MYO15A: variants seen among roughly 807,000 people sequenced by gnomAD.
MYO15A encodes unconventional myosin-XV.
MYO15A carries 308 observed loss-of-function variants against 394.6 expected under a neutral mutation model. The observed-to-expected ratio is 0.78, with a 90% CI of 0.71 to 0.86. The LOEUF is 0.86. Ranked by LOEUF, MYO15A falls within the 40% of genes least tolerant of loss-of-function variation. MYO15A has a pLI of 0.00. For missense variants in MYO15A, 4,606 were observed against 4,799.1 expected (o/e 0.96, Z 1.19); for synonymous variants, 1,957 against 2,003.8 (o/e 0.98, Z 0.62).
intron 41 of MYO15A, 58 bp from the exon 42 acceptor site, chr17:18,152,054 C>T: frequency 6.5e-7 from 1 of 1,544,704 alleles, no homozygotes; most frequent in African/African-American, 1.4e-5. Context: ...GGCCCTGCCA[C>T]TGCCCCTCCA....
rs561896716 is a variant in MYO15A at position 18,158,443 on chromosome 17, G to A, written c.8968-80G>A. 351 of 1,265,276 alleles carry A rather than the reference G, an allele frequency of 2.8e-4. No individual in the cohort carries two copies. In the African/African-American group the frequency reaches 4.4e-3, roughly 16 times the overall value. 78.4% of individuals were successfully genotyped at this position (1,265,276 alleles called of 1,614,324 possible). A position where few individuals can be genotyped will look rare whatever the true frequency, so the allele number is the denominator to read the frequency against. ...TGAGAATCTGGGTCCAGTCAGCTAG[G>A]GGTTGCGTTGTCAGTTTTGACCGAA... is the stretch of plus-strand genomic sequence containing the variant. On this transcript the variant is annotated intron_variant, in intron 51 of 65. Coordinates refer to ENST00000647165, the MANE Select transcript of MYO15A (RefSeq NM_016239.4).
At position 18,171,729 on chromosome 17, in the gene MYO15A, A is replaced by G; in HGVS notation, c.10174A>G (p.Thr3392Ala). ...LNLVSQHRQQ[T>A]QALSPHQARA... Reference sequence around the variant, plus strand: ...CCTGGTCAGCCAGCACCGGCAGCAGACACAGGCGCTCAGCCCCCACCAGGC... The same window carrying G: ...CCTGGTCAGCCAGCACCGGCAGCAGGCACAGGCGCTCAGCCCCCACCAGGC... Residue 3392 changes from threonine to alanine, a missense_variant, in exon 63 of 66, where the codon ACA becomes GCA. Around this residue, in one of 2 missense-constraint regions of MYO15A, gnomAD observed 2,776 missense variants for 3,109.3 expected, o/e 0.89. Coordinates refer to ENST00000647165, the MANE Select transcript of MYO15A (RefSeq NM_016239.4). 6.2e-7 allele frequency: 1 copy of G among 1,612,668 alleles called. No individual in the cohort carries two copies. Among genetic ancestry groups the G allele is most frequent in the African/African-American group, 1.3e-5 (1 of 75,040 alleles).
chr17:18,140,843 G>A lies in MYO15A; in HGVS notation c.5406+11G>A. ...CCCAACCACAAGAAGGTGAGTGAGA[G>A]CTGAGGCCTCTGAGAGAGCCAAATC... On this transcript the variant is annotated intron_variant, in intron 21 of 65. Coordinates refer to ENST00000647165, the MANE Select transcript of MYO15A (RefSeq NM_016239.4). The A allele has an allele frequency of 6.2e-7, 1 of 1,614,064 alleles. No individual in the cohort carries two copies. Among genetic ancestry groups the A allele is most frequent in the Non-Finnish European group, 8.5e-7 (1 of 1,180,038 alleles).
chr17:18,138,676 G>A, intron 17 of MYO15A, 135 bp from the exon 18 acceptor site: 1 of 1,257,192 alleles, frequency 8.0e-7, no homozygotes, highest in Non-Finnish European at 1.1e-6. Flanking sequence ...AGGGAGATGG[G>A]CAGCCATGGG....
At position 18,157,192 on chromosome 17, in the gene MYO15A, T is replaced by C. The variant is rs1395158442; in HGVS notation, c.8750T>C (p.Val2917Ala). 2 of 1,610,582 alleles carry C rather than the reference T, an allele frequency of 1.2e-6. No homozygotes were observed. The highest frequency in any genetic ancestry group is 4.5e-5 in the East Asian group (2 of 44,722). ...SAGCVVRRKVVYLEELRRRGP... is the reference protein window; with the variant it reads ...SAGCVVRRKVAYLEELRRRGP... ...GGCTGCGTGGTTCGCAGGAAGGTGG[T>C]GTACCTGGAGGAGCTGCGACGTAGA... Residue 2917 changes from valine (V) to alanine (A), a missense_variant, in exon 50 of 66, where the codon GTG becomes GCG. Physicochemically the swap from Val to Ala is moderately conservative, Grantham distance 64 (BLOSUM62 0). Transcript: ENST00000647165.
At chr17:18,152,729 T>C (rs936355466) in intron 42 of MYO15A, among the ~76,000 whole-genome samples, 4 of 152,176 alleles carry the variant, frequency 2.6e-5, no homozygotes, top group Non-Finnish European at 5.9e-5. Flanking sequence ...CTTCCTCCCC[T>C]TGGCACATTC....
rs759411970 is a variant in MYO15A at position 18,126,900 on chromosome 17, G to C, written c.3941+35G>C. On this transcript the variant is annotated intron_variant, in intron 6 of 65. Coordinates refer to ENST00000647165, the MANE Select transcript of MYO15A (RefSeq NM_016239.4). ...CTGCCTTTATGTGGGGGATAAATGGGGGACCTTAGGTAGCAGGCCTGCATC... is the reference window on the plus strand; with the variant it reads ...CTGCCTTTATGTGGGGGATAAATGGCGGACCTTAGGTAGCAGGCCTGCATC... 8.3e-5 allele frequency: 134 copies of C among 1,611,840 alleles called. 1 individual carries two copies. In the Admixed American group the frequency reaches 2.2e-3, roughly 26 times the overall value.
At chr17:18,143,819 G>GA (rs1310179375) in intron 27 of MYO15A, 23 bp downstream of exon 27, 8 of 1,571,628 alleles carry the variant, frequency 5.1e-6, no homozygotes, top group Non-Finnish European at 6.9e-6. Flanking sequence ...CAGGCGGGGG[G>GA]AGGGCCCAGG....
chr17:18,161,410 C>G lies in MYO15A; in HGVS notation c.9480C>G (p.Leu3160=). 6.2e-7 allele frequency: 1 copy of G among 1,614,080 alleles called. No individual in the cohort carries two copies. The highest frequency in any genetic ancestry group is 8.5e-7 in the Non-Finnish European group (1 of 1,180,032). The change falls in exon 57 of 66, where the codon CTC becomes CTG. Residue 3160 remains leucine (L), a synonymous_variant. Coordinates refer to ENST00000647165, the MANE Select transcript of MYO15A (RefSeq NM_016239.4). ...EVLHPHLTRF[L]QDVSRTPGLP... is the part of the protein sequence containing the mutation. ...TCCACCCACACCTCACTCGCTTCCT[C>G]CAAGACGTGAGCCGGACCCCAGGCC...
In MYO15A at chr17:18,153,155, G is replaced by A. The variant is rs2046612016; in HGVS notation, c.7967-620G>A. Among the ~76,000 whole-genome samples, 1 of 152,232 alleles carries A rather than the reference G, an allele frequency of 6.6e-6. No homozygotes were observed. The highest frequency in any genetic ancestry group is 2.1e-4 in the South Asian group (1 of 4,836). ...GTAGTGGCTCACGCCTGTAATCCCA[G>A]CACTTTGGGAGTCCGAGGCGGGCGG... On this transcript the variant is annotated intron_variant, in intron 42 of 65. Coordinates refer to ENST00000647165, the MANE Select transcript of MYO15A (RefSeq NM_016239.4). The surrounding 1 kb of genome is among the most constrained non-coding windows in gnomAD (Gnocchi z 4.1).
At chr17:18,146,162 A>G in intron 30 of MYO15A, 55 bp downstream of exon 30, 1 of 1,548,760 alleles carries the variant, frequency 6.5e-7, no homozygotes, top group South Asian at 1.1e-5. Context: ...CCAGCAGTGG[A>G]GCCCAAGGCA....
chr17:18,161,507 A>G lies in MYO15A; in HGVS notation c.9517+60A>G, dbSNP rs989823961. 13 of 1,605,954 alleles carry G rather than the reference A, an allele frequency of 8.1e-6. No individual in the cohort carries two copies. The African/African-American group carries it at 1.7e-4, about 21-fold the overall frequency. On this transcript the variant is annotated intron_variant, in intron 57 of 65. Transcript: ENST00000647165. ...TGCTTCTCCCTTGGGGACTGGGTGGACAGCTGGTGGGAGGGGAAACCCAGA... is the reference window on the plus strand; with the variant it reads ...TGCTTCTCCCTTGGGGACTGGGTGGGCAGCTGGTGGGAGGGGAAACCCAGA...
chr17:18,166,579 G>T, intron 61 of MYO15A, 58 bp downstream of exon 61: 1 of 1,596,386 alleles, frequency 6.3e-7, no homozygotes. Context: ...CTGGGCCTGT[G>T]AATCAGACTC....
chr17:18,139,366 C>T (rs1001171762), intron 18 of MYO15A, 168 bp from the exon 19 acceptor site: 2 of 758,982 alleles, frequency 2.6e-6, no homozygotes, highest in South Asian at 1.6e-5. Flanking sequence ...AGGCCAAGAC[C>T]CAGGTTGGTC....
intron 56 of MYO15A, 141 bp downstream of exon 56, chr17:18,160,158 T>G: frequency 1.3e-6 from 1 of 799,070 alleles, no homozygotes; most frequent in Non-Finnish European, 2.1e-6. Context: ...ATAGAGCACG[T>G]TTTTTGGAAT....
rs199613147 is a variant in MYO15A at position 18,137,580 on chromosome 17, G to A, written c.4780-4G>A. The A allele has an allele frequency of 4.3e-6, 7 of 1,613,350 alleles. No individual in the cohort carries two copies. The Admixed American group carries it at 6.7e-5, about 15-fold the overall frequency. ...CAGTCCCAGCACCCCCATCCACCTG[G>A]CAGGACCTGAGCTTCAACAGCTTTG... On this transcript the variant is annotated splice_polypyrimidine_tract_variant and splice_region_variant and intron_variant, in intron 15 of 65. Coordinates refer to ENST00000647165, the MANE Select transcript of MYO15A (RefSeq NM_016239.4).
intron 5 of MYO15A, 44 bp downstream of exon 5, chr17:18,126,500 CT>C: frequency 6.4e-7 from 1 of 1,551,514 alleles, no homozygotes. Flanking sequence ...TTGGGCCCCT[CT>C]TTCCCCTGCT....
At chr17:18,127,539 C>A (rs2046071608) in intron 7 of MYO15A, among the ~76,000 whole-genome samples, 1 of 152,116 alleles carries the variant, frequency 6.6e-6, no homozygotes, top group Admixed American at 6.5e-5. Context: ...AGCTATGCAG[C>A]CCCCAGCGGT....
intron 64 of MYO15A, chr17:18,172,871 G>A (rs555580007): frequency 1.1e-5 from 2 of 175,798 alleles, no homozygotes; most frequent in South Asian, 2.5e-4. Context: ...TGAGGCACTG[G>A]GAGTTAGGAT....
Sources: gnomAD v4.1 joint callset for allele counts (sites outside exome capture counted in the v4.1 genomes callset) on GRCh38, gnomAD v4.1.1 for gene constraint, gnomAD v4.1.1 regional missense constraint, Gnocchi (gnomAD v3.1) non-coding constraint, MANE v1.5 for transcripts, NCBI Gene and HGNC (gene_info 2026-07-23, HGNC 2026-07-21) for gene names.